The following C2CD2L variants were observed in gnomAD, a reference collection of about 807,000 sequenced individuals.
C2CD2L encodes the protein phospholipid transfer protein C2CD2L.
Under a neutral mutation model 69.9 loss-of-function variants are expected in C2CD2L, and 24 were observed. That is an observed-to-expected ratio of 0.34 (90% CI 0.25 to 0.48). C2CD2L has a LOEUF of 0.48. Ranked by LOEUF, C2CD2L falls within the 20% of genes least tolerant of loss-of-function variation. The pLI, the probability that C2CD2L is intolerant of heterozygous loss-of-function variation, is 0.99. For synonymous variants in C2CD2L, 367 were observed against 391.0 expected (o/e 0.94, Z 0.72); for missense variants, 811 against 941.5 (o/e 0.86, Z 1.81).
chr11:119,114,101 T>C lies in C2CD2L; in HGVS notation c.1645T>C (p.Leu549=). Residue 549 remains leucine (L), a synonymous_variant, in exon 13 of 14, where the codon TTG becomes CTG. Coordinates refer to ENST00000648610, the MANE Select transcript of C2CD2L (RefSeq NM_001290474.2). This position sits in a 1 kb window ranked among gnomAD's most constrained non-coding sequence, Gnocchi z 5.1. ...VSKVPIAQDE[L]ALSLGYAASL... is the part of the protein sequence containing the mutation. ...CCAGGTGCCCATTGCTCAGGACGAG[T>C]TGGCGCTATCCCTGGGCTATGCGGC... 6.2e-7 allele frequency: 1 copy of C among 1,613,942 alleles called. No individual in the cohort carries two copies. Among genetic ancestry groups the C allele is most frequent in the Non-Finnish European group, 8.5e-7 (1 of 1,179,978 alleles).
intron 7 of C2CD2L, 85 bp downstream of exon 7, chr11:119,111,714 T>G (rs1946748443): frequency 2.2e-6 from 2 of 922,390 alleles, no homozygotes; most frequent in South Asian, 3.3e-5. Flanking sequence ...GAATCAGCTC[T>G]GTTTTCAGTA....
intron 4 of C2CD2L, 38 bp from the exon 5 acceptor site, chr11:119,111,014 G>A (rs1271249908): frequency 1.2e-6 from 2 of 1,608,276 alleles, no homozygotes; most frequent in Admixed American, 3.3e-5. Flanking sequence ...CAGAGGTGGG[G>A]GATCCACCTC....
intron 10 of C2CD2L, 83 bp from the exon 11 acceptor site, chr11:119,113,526 CAA>C: frequency 2.0e-6 from 3 of 1,504,326 alleles, no homozygotes; most frequent in Non-Finnish European, 1.8e-6. Context: ...CTGAGTCACC[CAA>C]AGTCTGCATC....
At chr11:119,115,948 C>T (rs1220439497) in intron 13 of C2CD2L, 97 bp from the exon 14 acceptor site, 1 of 975,478 alleles carries the variant, frequency 1.0e-6, no homozygotes, top group Non-Finnish European at 1.6e-6. Flanking sequence ...CTGATCCTGT[C>T]CACATCCTCT....
At position 119,111,541 on chromosome 11, in the gene C2CD2L, G is replaced by A. The variant is rs1474955213; in HGVS notation, c.931G>A (p.Val311Ile). Reference sequence around the variant, plus strand: ...CACAGGCACCGAGGAACTGTGCTGTGTAGCTGAACTCGACAACCCCATGCA... The same window carrying A: ...CACAGGCACCGAGGAACTGTGCTGTATAGCTGAACTCGACAACCCCATGCA... The part of the protein sequence containing the change: ...ELEGTEELCC[V>I]AELDNPMQQK... Residue 311 changes from valine to isoleucine, a missense_variant, in exon 7 of 14, where the codon GTA becomes ATA. By Grantham distance (29) the Val-to-Ile change is conservative (BLOSUM62 3). Transcript: ENST00000648610. 1 of 1,614,182 alleles carries A rather than the reference G, an allele frequency of 6.2e-7. No homozygotes were observed. The highest frequency in any genetic ancestry group is 1.7e-5 in the Admixed American group (1 of 60,028).
rs1157913144 is a variant in C2CD2L at position 119,112,717 on chromosome 11, C to T, written c.1230C>T (p.Gly410=). 1 of 1,613,622 alleles carries T rather than the reference C, an allele frequency of 6.2e-7. No homozygotes were observed. Among genetic ancestry groups the T allele is most frequent in the South Asian group, 1.1e-5 (1 of 91,046 alleles). The change falls in exon 10 of 14, where the codon GGC becomes GGT. Residue 410 remains glycine (G), a synonymous_variant. Coordinates refer to ENST00000648610, the MANE Select transcript of C2CD2L (RefSeq NM_001290474.2). ...TMAVELHYEE[G]SPRNLGTPTS... ...CTGGGCAGCTTCACTATGAGGAGGGCTCTCCCCGGAACCTGGGTACTCCCA... is the reference window on the plus strand; with the variant it reads ...CTGGGCAGCTTCACTATGAGGAGGGTTCTCCCCGGAACCTGGGTACTCCCA...
At chr11:119,115,527 G>C (rs567274236) in intron 13 of C2CD2L, 1 of 163,188 alleles carries the variant, frequency 6.1e-6, no homozygotes, top group South Asian at 1.8e-4. Context: ...AAGCCTGCTG[G>C]GTGAGCACCT....
Position 119,110,840 on chromosome 11 carries a change from T to G in C2CD2L, c.571-7T>G. 6.2e-7 allele frequency: 1 copy of G among 1,613,942 alleles called. No homozygotes were observed. The highest frequency in any genetic ancestry group is 8.5e-7 in the Non-Finnish European group (1 of 1,179,860). On this transcript the variant is annotated splice_region_variant and splice_polypyrimidine_tract_variant and intron_variant, in intron 3 of 13. Transcript: ENST00000648610. This position sits in a 1 kb window ranked among gnomAD's most constrained non-coding sequence, Gnocchi z 5.7. ...AGTCAGCCCAGTCACTTTGTTCCTG[T>G]CTGTAGTTGGAAGTCAACCTGGAGG...
chr11:119,113,466 A>C (rs1194268725), intron 10 of C2CD2L, 145 bp from the exon 11 acceptor site: 5 of 1,274,400 alleles, frequency 3.9e-6, no homozygotes, highest in Admixed American at 2.7e-5. Context: ...TCCCCACGGC[A>C]TCTTCCTAAT....
chr11:119,111,109 G>A lies in C2CD2L; in HGVS notation c.739G>A (p.Val247Ile). The change falls in exon 5 of 14, where the codon GTC becomes ATC. Residue 247 changes from valine (V) to isoleucine (I), a missense_variant. By Grantham distance (29) the Val-to-Ile change is conservative (BLOSUM62 3). Coordinates refer to ENST00000648610, the MANE Select transcript of C2CD2L (RefSeq NM_001290474.2). ...TIEELIKDAI[V>I]STQPAMMVNL... ...TGAGGAACTGATCAAGGATGCCATAGTCAGCACCCAGCCAGCCATGATGGT... is the reference window on the plus strand; with the variant it reads ...TGAGGAACTGATCAAGGATGCCATAATCAGCACCCAGCCAGCCATGATGGT... 6.2e-7 allele frequency: 1 copy of A among 1,614,072 alleles called. No homozygotes were observed. Among genetic ancestry groups the A allele is most frequent in the South Asian group, 1.1e-5 (1 of 91,080 alleles).
In C2CD2L at chr11:119,112,851, G is replaced by A. The variant is rs762064216; in HGVS notation, c.1364G>A (p.Arg455Gln). The stretch of plus-strand genomic sequence containing the variant: ...ACCACAGTCACCACTGTCCAGTCCC[G>A]GCCCCGTATAGACGGCAAATTAGGT... ...IVTTVTTVQS[R>Q]PRIDGKLDSP... is the part of the protein sequence containing the mutation. The change falls in exon 10 of 14, where the codon CGG (arginine) becomes CAG (glutamine). Residue 455 changes from arginine to glutamine, a missense_variant. Transcript: ENST00000648610. 8 of 1,613,880 alleles carry A rather than the reference G, an allele frequency of 5.0e-6. No individual in the cohort carries two copies. The highest frequency in any genetic ancestry group is 1.7e-4 in the Middle Eastern group (1 of 6,058).
At chr11:119,112,427 G>T (rs746649703) in intron 8 of C2CD2L, 35 bp downstream of exon 8, 1 of 1,613,838 alleles carries the variant, frequency 6.2e-7, no homozygotes, top group Non-Finnish European at 8.5e-7. Context: ...CCCTGGGTGG[G>T]TACAGAGTGG....
In C2CD2L at chr11:119,108,027, A is replaced by C. The variant is rs752107252; in HGVS notation, c.286A>C (p.Lys96Gln). 3 of 1,599,186 alleles carry C rather than the reference A, an allele frequency of 1.9e-6. No individual in the cohort carries two copies. The highest frequency in any genetic ancestry group is 2.4e-5 in the East Asian group (1 of 42,340). ...CCTCCTGGCGTCACTCTTCGCCTTC[A>C]AGTCTTTCCGGGAGAACTGGCAGCG... The part of the protein sequence containing the change: ...RGLLASLFAF[K>Q]SFRENWQRAW... Residue 96 changes from lysine to glutamine, a missense_variant, in exon 1 of 14, where the codon AAG becomes CAG. Transcript: ENST00000648610.
chr11:119,103,735 G>A (rs1234860368), upstream of C2CD2L, among the ~76,000 whole-genome samples: 1 of 152,066 alleles, frequency 6.6e-6, no homozygotes, highest in African/African-American at 2.4e-5. Context: ...ATGTGAAATG[G>A]CTTTTCTACT....
At chr11:119,108,292 A>C in intron 1 of C2CD2L, 197 bp downstream of exon 1, 1 of 516,424 alleles carries the variant, frequency 1.9e-6, no homozygotes, top group Non-Finnish European at 3.4e-6. Flanking sequence ...CCAGACTTCC[A>C]TTTCTGTGGG....
Position 119,116,317 on chromosome 11 carries a change from C to A in C2CD2L, c.*61C>A. 1 of 1,347,960 alleles carries A rather than the reference C, an allele frequency of 7.4e-7. No homozygotes were observed. The highest frequency in any genetic ancestry group is 1.1e-6 in the Non-Finnish European group (1 of 947,184). 83.5% of individuals were successfully genotyped at this position (1,347,960 alleles called of 1,614,324 possible). On this transcript the variant is annotated 3_prime_UTR_variant, in exon 14 of 14. Coordinates refer to ENST00000648610, the MANE Select transcript of C2CD2L (RefSeq NM_001290474.2). ...CCATTCCCCACCTCCCCTTCCATAC[C>A]CCTTCCTGGATCTCCAGTGCCTGGG...
Position 119,114,387 on chromosome 11 carries a change from G to C in C2CD2L, c.1909+22G>C. The C allele has an allele frequency of 2.5e-6, 4 of 1,611,254 alleles. No homozygotes were observed. The highest frequency in any genetic ancestry group is 3.4e-6 in the Non-Finnish European group (4 of 1,178,434). ...AAAGGTAGGGGGACGTTGGCAGGGT[G>C]CCCCTCATCTCTTCTTTTATACACA... On this transcript the variant is annotated intron_variant, in intron 13 of 13. Coordinates refer to ENST00000648610, the MANE Select transcript of C2CD2L (RefSeq NM_001290474.2). This position sits in a 1 kb window ranked among gnomAD's most constrained non-coding sequence, Gnocchi z 5.1.
chr11:119,113,810 G>C (rs368850909), intron 11 of C2CD2L, 45 bp from the exon 12 acceptor site: 8 of 1,611,944 alleles, frequency 5.0e-6, no homozygotes, highest in Non-Finnish European at 6.8e-6. Flanking sequence ...ATCCAAGAAA[G>C]AGCCAGGGAG....
Position 119,107,654 on chromosome 11 carries a change from ACCT to A in C2CD2L, c.-82_-80del. On this transcript the variant is annotated 5_prime_UTR_variant, in exon 1 of 14. Transcript: ENST00000648610. The surrounding 1 kb of genome is among the most constrained non-coding windows in gnomAD (Gnocchi z 5.4). ...CGCGCGCCCAGCCCCGGGGGAGCCCACCTCCTCCCCGCGGCCCGCCCGGGCCAT... is the reference window on the plus strand; with the variant it reads ...CGCGCGCCCAGCCCCGGGGGAGCCCACCTCCCCGCGGCCCGCCCGGGCCAT... 1.3e-6 allele frequency: 1 copy of A among 793,194 alleles called. No individual in the cohort carries two copies. Among genetic ancestry groups the A allele is most frequent in the Non-Finnish European group, 1.8e-6 (1 of 566,178 alleles). 49.1% of individuals were successfully genotyped at this position (793,194 alleles called of 1,614,324 possible).
Sources: gnomAD v4.1 joint callset for allele counts (sites outside exome capture counted in the v4.1 genomes callset) on GRCh38, gnomAD v4.1.1 for gene constraint, Gnocchi (gnomAD v3.1) non-coding constraint, MANE v1.5 for transcripts, NCBI Gene and HGNC (gene_info 2026-07-23, HGNC 2026-07-21) for gene names.